The following GLI2 variants were observed in gnomAD, a reference collection of about 807,000 sequenced individuals.
GLI2 encodes the protein GLI family zinc finger 2, also known as transcription activator GLI2.
GLI2 carries 22 observed loss-of-function variants against 78.9 expected under a neutral mutation model. The observed-to-expected ratio is 0.28, with a 90% CI of 0.20 to 0.40. GLI2 has a LOEUF of 0.40. Among genes scored for constraint, GLI2 ranks in the 10% least tolerant of loss-of-function variants. The pLI is 1.00. For missense variants in GLI2, 2,097 were observed against 2,213.2 expected, an observed-to-expected ratio of 0.95 and a Z score of 1.05; for synonymous variants, 974 against 963.7, an observed-to-expected ratio of 1.01 and a Z score of -0.20.
chr2:120,830,384 T>C (rs1268256624), intron 2 of GLI2, among the ~76,000 whole-genome samples: 3 of 152,050 alleles, frequency 2.0e-5, no homozygotes, highest in African/African-American at 7.2e-5. Context: ...ACAGGGTGAG[T>C]AGAGGAGGAG....
chr2:120,771,307 A>T (rs1222915751), intron 1 of GLI2, among the ~76,000 whole-genome samples: 1 of 152,182 alleles, frequency 6.6e-6, no homozygotes, highest in Non-Finnish European at 1.5e-5. Context: ...GGCCCAAGGA[A>T]TGAGAGCTAT....
At chr2:120,934,266 CA>C (rs1573628267) in intron 3 of GLI2, among the ~76,000 whole-genome samples, 1 of 152,222 alleles carries the variant, frequency 6.6e-6, no homozygotes. Flanking sequence ...CATTCACAGA[CA>C]AGTCCCTCCT....
intron 1 of GLI2, among the ~76,000 whole-genome samples, chr2:120,761,718 C>A (rs1329781704): frequency 3.3e-5 from 5 of 152,206 alleles, no homozygotes; most frequent in African/African-American, 1.2e-4. Flanking sequence ...AGCTTCCTGC[C>A]TGCCCCACGG....
At chr2:120,841,923 T>A (rs1245999697) in intron 2 of GLI2, among the ~76,000 whole-genome samples, 2 of 149,138 alleles carry the variant, frequency 1.3e-5, no homozygotes, top group African/African-American at 5.0e-5. Flanking sequence ...ATGAAGGCCC[T>A]TCTCCTTCAC....
intron 2 of GLI2, among the ~76,000 whole-genome samples, chr2:120,813,310 C>A (rs1685344668): frequency 6.6e-6 from 1 of 152,224 alleles, no homozygotes. Context: ...GAAGGGAAGG[C>A]AAGAACCCCC....
intron 1 of GLI2, among the ~76,000 whole-genome samples, chr2:120,751,960 T>C (rs946895437): frequency 2.2e-4 from 33 of 152,234 alleles, no homozygotes; most frequent in Non-Finnish European, 1.5e-5. Flanking sequence ...AGTTTCTTTC[T>C]GATGCAAAAG....
intron 2 of GLI2, among the ~76,000 whole-genome samples, chr2:120,832,488 T>C (rs1217515456): frequency 1.4e-5 from 2 of 146,022 alleles, no homozygotes; most frequent in African/African-American, 5.0e-5. Flanking sequence ...CAGTCATCCC[T>C]GTGTGGCGGA....
chr2:120,807,134 T>TGTG (rs797004958), intron 2 of GLI2, among the ~76,000 whole-genome samples: 20 of 152,208 alleles, frequency 1.3e-4, no homozygotes, highest in African/African-American at 4.8e-4. Flanking sequence ...GATTGCAAAG[T>TGTG]GTGGCAGGGC....
chr2:120,823,724 G>A (rs1396777593), intron 2 of GLI2, among the ~76,000 whole-genome samples: 1 of 152,206 alleles, frequency 6.6e-6, no homozygotes, highest in East Asian at 1.9e-4. Flanking sequence ...GGGCCTCAGG[G>A]TGGAGTCCCG....
At chr2:120,869,785 A>C (rs1159588328) in intron 2 of GLI2, among the ~76,000 whole-genome samples, 2 of 152,120 alleles carry the variant, frequency 1.3e-5, no homozygotes, top group Non-Finnish European at 2.9e-5. Context: ...TCAGGGTACT[A>C]AGGAAGGAAG....
intron 2 of GLI2, among the ~76,000 whole-genome samples, chr2:120,811,579 G>C (rs11891582): frequency 0.052 from 7,972 of 152,210 alleles, 720 homozygotes; most frequent in African/African-American, 0.18. Flanking sequence ...AGGGAGCAGC[G>C]CCTGCTGGAG....
intron 2 of GLI2, among the ~76,000 whole-genome samples, chr2:120,821,133 G>A (rs574442622): frequency 1.3e-5 from 2 of 152,230 alleles, no homozygotes; most frequent in East Asian, 1.9e-4. Flanking sequence ...GTGGGCGGCT[G>A]AGCTCGCAGC....
rs1307242019 is a variant in GLI2, at chr2:120,737,587, TCTGGCACGGGCTTTGCAG to T, written c.-31+1305_-31+1322del. ...CGGGCATCCCGCTCGGTGCGCGACC[TCTGGCACGGGCTTTGCAG>T]CTCGGTGGCCGCAGCGGTGTCCCGG... On this transcript the variant is annotated intron_variant, in intron 1 of 13. Coordinates refer to ENST00000361492, the MANE Select transcript of GLI2 (RefSeq NM_001374353.1). This position sits in a 1 kb window ranked among gnomAD's most constrained non-coding sequence, Gnocchi z 4.3. Among the ~76,000 whole-genome samples, 5 of 152,194 alleles carry T rather than the reference TCTGGCACGGGCTTTGCAG, an allele frequency of 3.3e-5. No homozygotes were observed. The highest frequency in any genetic ancestry group is 1.2e-4 in the African/African-American group (5 of 41,442).
At chr2:120,910,492 A>G (rs961830658) in intron 2 of GLI2, among the ~76,000 whole-genome samples, 2 of 152,202 alleles carry the variant, frequency 1.3e-5, no homozygotes, top group Non-Finnish European at 1.5e-5. Context: ...CAGGGCTATT[A>G]GCGGGGTCCA....
chr2:120,974,892 A>G (rs1427382662), intron 8 of GLI2, 83 bp from the exon 9 acceptor site: 35 of 1,608,622 alleles, frequency 2.2e-5, no homozygotes, highest in Non-Finnish European at 3.0e-5. Flanking sequence ...CTTGGCACAG[A>G]ATGCATGGGA....
chr2:120,978,491 G>A lies in GLI2; in HGVS notation c.1375G>A (p.Ala459Thr), dbSNP rs772017351. The A allele has an allele frequency of 1.2e-6, 2 of 1,614,160 alleles. No homozygotes were observed. The highest frequency in any genetic ancestry group is 1.7e-6 in the Non-Finnish European group (2 of 1,180,008). ...EKKEFVCRWQ[A>T]CTREQKPFKA... ...GAAGGAGTTTGTGTGCCGCTGGCAGGCCTGCACGCGGGAGCAGAAGCCCTT... is the reference window on the plus strand; with the variant it reads ...GAAGGAGTTTGTGTGCCGCTGGCAGACCTGCACGCGGGAGCAGAAGCCCTT... Residue 459 changes from alanine to threonine, a missense_variant, in exon 10 of 14, where the codon GCC becomes ACC. This residue lies in a region of GLI2 where 104 missense variants were observed against 190.6 expected (regional missense o/e 0.55). Coordinates refer to ENST00000361492, the MANE Select transcript of GLI2 (RefSeq NM_001374353.1).
intron 2 of GLI2, among the ~76,000 whole-genome samples, chr2:120,799,201 G>A (rs1242023671): frequency 6.6e-6 from 1 of 152,184 alleles, no homozygotes. Context: ...CAGGCAGGAG[G>A]CCCAAAGTTT....
chr2:120,777,749 T>TG lies in GLI2; in HGVS notation c.-30-19536dup, dbSNP rs1356301230. On this transcript the variant is annotated intron_variant, in intron 1 of 13. Transcript: ENST00000361492. ...TGGTCAGAGTGGGAGCACAGAAGCT[T>TG]GGGGGGTCTCTGCAGACATTGCCTC... Among the ~76,000 whole-genome samples the TG allele has an allele frequency of 4.0e-4, 29 of 71,820 alleles. 1 individual carries two copies. The highest frequency in any genetic ancestry group is 1.8e-3 in the African/African-American group (22 of 12,374). 47.1% of individuals were successfully genotyped at this position (71,820 alleles called of 152,430 possible).
intron 2 of GLI2, among the ~76,000 whole-genome samples, chr2:120,872,924 T>TATG: frequency 6.6e-6 from 1 of 152,156 alleles, no homozygotes; most frequent in Non-Finnish European, 1.5e-5. Context: ...TTGATGGCAA[T>TATG]AGTAATAAAT....
Sources: allele counts gnomAD v4.1 joint callset (sites outside exome capture counted in the v4.1 genomes callset), GRCh38; gene constraint gnomAD v4.1.1; regional missense constraint gnomAD v4.1.1; non-coding constraint Gnocchi (gnomAD v3.1); transcripts MANE v1.5; gene names NCBI Gene and HGNC (gene_info 2026-07-23, HGNC 2026-07-21).